The following RPS6KC1 variants were observed in gnomAD, a reference collection of about 807,000 sequenced individuals.
The protein encoded by RPS6KC1 is inactive ribosomal protein S6 kinase delta-1.
In RPS6KC1, 54 loss-of-function variants were observed where a neutral mutation model predicts 103.8. The ratio of observed to expected loss-of-function variants is 0.52; its 90% CI spans 0.42 to 0.65. The LOEUF (loss-of-function observed/expected upper bound fraction) is 0.65. Ranked by LOEUF, RPS6KC1 falls within the 30% of genes least tolerant of loss-of-function variation. The pLI is 0.00. For synonymous variants in RPS6KC1, 439 were observed against 438.7 expected (o/e 1.00, Z -0.01); for missense variants, 1,151 against 1,253.8 (o/e 0.92, Z 1.24).
chr1:213,126,111 T>TTA (rs1179300197), intron 5 of RPS6KC1, among the ~76,000 whole-genome samples: 13 of 152,086 alleles, frequency 8.5e-5, no homozygotes, highest in African/African-American at 2.9e-4. Flanking sequence ...CCTTATCTAT[T>TTA]TGTTTATCAG....
the RPS6KC1 span, among the ~76,000 whole-genome samples, chr1:213,333,472 G>A: frequency 6.7e-3 from 1,024 of 152,186 alleles, 16 homozygotes; most frequent in African/African-American, 0.023. Context: ...TCTACAGAAC[G>A]ATCAACCCCA....
chr1:213,306,686 G>T, the RPS6KC1 span, among the ~76,000 whole-genome samples: 1 of 152,194 alleles, frequency 6.6e-6, no homozygotes, highest in Non-Finnish European at 1.5e-5. Context: ...TTGATTGGTT[G>T]TAGACTGCTT....
the RPS6KC1 span, among the ~76,000 whole-genome samples, chr1:213,356,112 T>C: frequency 6.6e-6 from 1 of 152,190 alleles, no homozygotes; most frequent in African/African-American, 2.4e-5. Flanking sequence ...ACGAGGTCCC[T>C]GAATTCTTTG....
chr1:213,800,051 T>C, the RPS6KC1 span, among the ~76,000 whole-genome samples: 11 of 152,154 alleles, frequency 7.2e-5, no homozygotes, highest in South Asian at 8.3e-4. Flanking sequence ...AATCCCAGCA[T>C]TGGGGGCTCC....
the RPS6KC1 span, among the ~76,000 whole-genome samples, chr1:213,817,066 G>T: frequency 6.6e-6 from 1 of 152,326 alleles, no homozygotes; most frequent in East Asian, 1.9e-4. Flanking sequence ...CCCTATCCTA[G>T]CCTAATGGCA....
chr1:213,841,621 C>T, the RPS6KC1 span, among the ~76,000 whole-genome samples: 5 of 152,332 alleles, frequency 3.3e-5, no homozygotes, highest in Admixed American at 3.3e-4. Context: ...CCATTGCCTT[C>T]CCAACCCTGC....
At chr1:213,592,503 G>C in the RPS6KC1 span, among the ~76,000 whole-genome samples, 1 of 152,168 alleles carries the variant, frequency 6.6e-6, no homozygotes, top group Non-Finnish European at 1.5e-5. Context: ...GAGTACTTTT[G>C]CCCTTTCTAG....
At chr1:213,152,273 G>A (rs1459793266) in intron 6 of RPS6KC1, among the ~76,000 whole-genome samples, 4 of 147,338 alleles carry the variant, frequency 2.7e-5, no homozygotes, top group Admixed American at 6.7e-5. Context: ...CTGGCCTGGC[G>A]GGGGGCTGAT....
At chr1:213,856,348 A>C in the RPS6KC1 span, among the ~76,000 whole-genome samples, 1 of 145,272 alleles carries the variant, frequency 6.9e-6, no homozygotes, top group Non-Finnish European at 1.6e-5. Context: ...ACACACATGC[A>C]TACACTCACA....
At chr1:213,167,473 C>CG (rs2091077270) in intron 6 of RPS6KC1, among the ~76,000 whole-genome samples, 2 of 145,756 alleles carry the variant, frequency 1.4e-5, no homozygotes, top group Middle Eastern at 3.4e-3. Flanking sequence ...CACACACACA[C>CG]ACACACACAC....
At chr1:213,605,824 G>A in the RPS6KC1 span, among the ~76,000 whole-genome samples, 3 of 152,176 alleles carry the variant, frequency 2.0e-5, no homozygotes, top group Non-Finnish European at 4.4e-5. Flanking sequence ...AGGCTCTGGT[G>A]GGTAAGGAGG....
At chr1:213,473,222 A>C in the RPS6KC1 span, among the ~76,000 whole-genome samples, 9 of 152,236 alleles carry the variant, frequency 5.9e-5, no homozygotes, top group East Asian at 1.2e-3. Flanking sequence ...GCCAACACCA[A>C]TCAAGCTTCC....
At chr1:213,549,623 T>A in the RPS6KC1 span, among the ~76,000 whole-genome samples, 2 of 141,380 alleles carry the variant, frequency 1.4e-5, no homozygotes, top group Non-Finnish European at 3.1e-5. Flanking sequence ...TTTTTTTTTT[T>A]TTTTTTTTTT....
the RPS6KC1 span, among the ~76,000 whole-genome samples, chr1:213,657,122 T>A: frequency 6.6e-6 from 1 of 152,028 alleles, no homozygotes; most frequent in Non-Finnish European, 1.5e-5. Context: ...CATGCACTCC[T>A]AGCAATAAGA....
the RPS6KC1 span, among the ~76,000 whole-genome samples, chr1:213,381,431 A>C: frequency 6.6e-6 from 1 of 151,788 alleles, no homozygotes; most frequent in Admixed American, 6.6e-5. Flanking sequence ...TCTAGTTCCC[A>C]ACATGTGATT....
At chr1:213,524,403 C>T in the RPS6KC1 span, among the ~76,000 whole-genome samples, 1,597 of 151,992 alleles carry the variant, frequency 0.011, 29 homozygotes, top group African/African-American at 0.037. Context: ...AAGGAGCAGC[C>T]AGCCCCAGCC....
At chr1:213,602,141 TC>T in the RPS6KC1 span, among the ~76,000 whole-genome samples, 1 of 80,890 alleles carries the variant, frequency 1.2e-5, no homozygotes, top group Non-Finnish European at 2.4e-5. Context: ...TTTCTTTCTT[TC>T]TTTCTTTCTT....
the RPS6KC1 span, among the ~76,000 whole-genome samples, chr1:213,613,293 C>T: frequency 2.0e-5 from 3 of 152,310 alleles, no homozygotes; most frequent in East Asian, 5.8e-4. Context: ...CACCAGATCA[C>T]TCCTCCTATA....
At chr1:213,516,544 A>G in the RPS6KC1 span, among the ~76,000 whole-genome samples, 1 of 151,904 alleles carries the variant, frequency 6.6e-6, no homozygotes, top group Non-Finnish European at 1.5e-5. Context: ...ATTGATTTGC[A>G]TATGTTGAAC....
Sources: gnomAD v4.1 joint callset for allele counts (sites outside exome capture counted in the v4.1 genomes callset) on GRCh38, gnomAD v4.1.1 for gene constraint, MANE v1.5 for transcripts, NCBI Gene and HGNC (gene_info 2026-07-23, HGNC 2026-07-21) for gene names.